The following SEMA5A variants were observed in gnomAD, a reference collection of about 807,000 sequenced individuals.
SEMA5A encodes the protein semaphorin 5A, also known as semaphorin-5A.
A neutral mutation model predicts 135.5 loss-of-function variants in SEMA5A; 55 were observed. That is an observed-to-expected ratio of 0.41 (90% CI 0.33 to 0.51). The LOEUF (loss-of-function observed/expected upper bound fraction) is 0.51, where lower values mean the gene tolerates loss of function less well. Ranked by LOEUF, SEMA5A falls within the 20% of genes least tolerant of loss-of-function variation. SEMA5A has a pLI of 0.37. For synonymous variants in SEMA5A, 580 were observed against 546.5 expected (o/e 1.06, Z -0.85); for missense variants, 1,290 against 1,419.9 (o/e 0.91, Z 1.47).
At chr5:9,217,322 A>G (rs894875095) in intron 8 of SEMA5A, among the ~76,000 whole-genome samples, 2 of 152,048 alleles carry the variant, frequency 1.3e-5, no homozygotes, top group African/African-American at 4.8e-5. Context: ...TAGGCCCCCA[A>G]TCTCTTCTGG....
rs150774743 is a variant in SEMA5A at position 9,171,230 on chromosome 5, T to C, written c.1274-16535A>G. On this transcript the variant is annotated intron_variant, in intron 11 of 22. Coordinates refer to ENST00000382496, the MANE Select transcript of SEMA5A (RefSeq NM_003966.3). ...AAGGGGTTGAGTTGGTGTTTGACAG[T>C]GAGAGAAATTCATTCACCCTGAATA... Among the ~76,000 whole-genome samples the C allele has an allele frequency of 1.4e-3, 207 of 152,198 alleles. 1 individual carries two copies. The highest frequency in any genetic ancestry group is 4.9e-3 in the African/African-American group (204 of 41,534).
At chr5:9,235,490 C>G (rs1170652700) in intron 6 of SEMA5A, among the ~76,000 whole-genome samples, 3 of 152,106 alleles carry the variant, frequency 2.0e-5, no homozygotes, top group Non-Finnish European at 4.4e-5. Context: ...AGTTCACTAC[C>G]CTGGTATGGG....
chr5:9,311,270 A>G (rs1374065194), intron 5 of SEMA5A, among the ~76,000 whole-genome samples: 5 of 152,074 alleles, frequency 3.3e-5, no homozygotes, highest in Non-Finnish European at 7.4e-5. Flanking sequence ...ATATTGCCAA[A>G]TATTCCCAGA....
rs368032609 is a variant in SEMA5A, at chr5:9,213,547, G to A, written c.646+11127C>T. Among the ~76,000 whole-genome samples the A allele has an allele frequency of 1.3e-3, 198 of 152,262 alleles. 5 individuals are homozygous for A. The South Asian group carries it at 0.04, about 31-fold the overall frequency. On this transcript the variant is annotated intron_variant, in intron 8 of 22. Coordinates refer to ENST00000382496, the MANE Select transcript of SEMA5A (RefSeq NM_003966.3). ...AAAAGATGGGACAGTTGGCCAGATGGGTTGTCTGGGGGAAGAGCTTTCCAG... is the reference window on the plus strand; with the variant it reads ...AAAAGATGGGACAGTTGGCCAGATGAGTTGTCTGGGGGAAGAGCTTTCCAG...
In SEMA5A at chr5:9,326,065, T is replaced by C. The variant is rs377582526; in HGVS notation, c.225-7648A>G. 5.3e-5 allele frequency among the ~76,000 whole-genome samples: 8 copies of C among 152,314 alleles called. No individual in the cohort carries two copies. In the East Asian group the frequency reaches 9.7e-4, roughly 18 times the overall value. ...AAAACAGACACTGCCCATGAGCCAG[T>C]TGGGGAAGGCTGAGAGCTGACCAGT... is the stretch of plus-strand genomic sequence containing the variant. On this transcript the variant is annotated intron_variant, in intron 4 of 22. Transcript: ENST00000382496.
At chr5:9,411,362 T>A (rs1757099778) in intron 2 of SEMA5A, among the ~76,000 whole-genome samples, 1 of 152,214 alleles carries the variant, frequency 6.6e-6, no homozygotes, top group Admixed American at 6.5e-5. Flanking sequence ...GAACTGAGCC[T>A]CATCAGAGGC....
At chr5:9,184,008 C>G (rs1247619222) in intron 11 of SEMA5A, among the ~76,000 whole-genome samples, 1 of 152,200 alleles carries the variant, frequency 6.6e-6, no homozygotes, top group Non-Finnish European at 1.5e-5. Flanking sequence ...TTTACTTTCT[C>G]AAACCTTCTC....
chr5:9,224,630 C>G, intron 8 of SEMA5A, 44 bp downstream of exon 8: 1 of 1,575,016 alleles, frequency 6.3e-7, no homozygotes, highest in South Asian at 1.1e-5. Context: ...CACCAGGAAT[C>G]AAAGACAAAT....
rs9313274 is a variant in SEMA5A, at chr5:9,377,234, G to A, written c.124+2589C>T. 3.0e-3 allele frequency among the ~76,000 whole-genome samples: 454 copies of A among 152,124 alleles called. 3 individuals are homozygous for A. Among genetic ancestry groups the A allele is most frequent in the African/African-American group, 0.01 (428 of 41,472 alleles). On this transcript the variant is annotated intron_variant, in intron 3 of 22. Coordinates refer to ENST00000382496, the MANE Select transcript of SEMA5A (RefSeq NM_003966.3). ...TATATAATTGCCACCTTTCATCTAA[G>A]GAAAGAGAACATAAATATATATTTG...
At chr5:9,484,723 G>A (rs560131564) in intron 1 of SEMA5A, among the ~76,000 whole-genome samples, 27 of 152,266 alleles carry the variant, frequency 1.8e-4, no homozygotes, top group South Asian at 6.2e-4. Flanking sequence ...CAGGCGAGTC[G>A]GTCTCAGTTG....
chr5:9,419,663 T>A (rs557564153), intron 2 of SEMA5A, among the ~76,000 whole-genome samples: 1 of 152,166 alleles, frequency 6.6e-6, no homozygotes, highest in Non-Finnish European at 1.5e-5. Context: ...GGGGGCTTTA[T>A]GTTTCCTAGG....
chr5:9,445,256 C>T (rs1758388925), intron 1 of SEMA5A, among the ~76,000 whole-genome samples: 1 of 151,992 alleles, frequency 6.6e-6, no homozygotes, highest in African/African-American at 2.4e-5. Flanking sequence ...TCGCTTTTCC[C>T]CAAATCAGAA....
intron 2 of SEMA5A, among the ~76,000 whole-genome samples, chr5:9,436,760 A>T (rs1758046706): frequency 6.6e-6 from 1 of 152,132 alleles, no homozygotes. Context: ...ACTTTCTCTC[A>T]CTTTACTTGT....
chr5:9,139,846 A>T (rs1741967176), intron 12 of SEMA5A, among the ~76,000 whole-genome samples: 1 of 152,218 alleles, frequency 6.6e-6, no homozygotes, highest in African/African-American at 2.4e-5. Context: ...TTATAGAAAG[A>T]TTAAAGATTA....
intron 1 of SEMA5A, among the ~76,000 whole-genome samples, chr5:9,505,893 C>T (rs1369932574): frequency 6.6e-6 from 1 of 152,116 alleles, no homozygotes; most frequent in Non-Finnish European, 1.5e-5. Flanking sequence ...AGAAATTTGT[C>T]CTGGTAGATT....
chr5:9,477,991 T>C (rs1486620760), intron 1 of SEMA5A, among the ~76,000 whole-genome samples: 2 of 152,198 alleles, frequency 1.3e-5, no homozygotes, highest in Non-Finnish European at 2.9e-5. Flanking sequence ...CCAGGGTCCC[T>C]GTGCTCTGTG....
intron 8 of SEMA5A, among the ~76,000 whole-genome samples, chr5:9,216,124 T>G (rs775618370): frequency 2.0e-5 from 3 of 152,214 alleles, no homozygotes; most frequent in Non-Finnish European, 4.4e-5. Context: ...ATGTGAACAT[T>G]TAGTGCTATG....
chr5:9,166,342 C>A (rs72643792), intron 11 of SEMA5A, among the ~76,000 whole-genome samples: 17,826 of 151,918 alleles, frequency 0.12, 1,757 homozygotes, highest in African/African-American at 0.25. Context: ...CTCCCACAAT[C>A]ACAGGCCGTG....
chr5:9,468,786 C>G (rs1034093067), intron 1 of SEMA5A, among the ~76,000 whole-genome samples: 31 of 152,096 alleles, frequency 2.0e-4, no homozygotes, highest in Non-Finnish European at 4.4e-5. Flanking sequence ...GATAAACATC[C>G]CTTTTCATGA....
Sources: gnomAD v4.1 joint callset for allele counts (sites outside exome capture counted in the v4.1 genomes callset) on GRCh38, gnomAD v4.1.1 for gene constraint, MANE v1.5 for transcripts, NCBI Gene and HGNC (gene_info 2026-07-23, HGNC 2026-07-21) for gene names.